CENPO: variants seen among roughly 807,000 people sequenced by gnomAD.
The protein encoded by CENPO is centromeric protein O.
A neutral mutation model predicts 36.1 loss-of-function variants in CENPO; 30 were observed. That is an observed-to-expected ratio of 0.83 (90% CI 0.62 to 1.13). The LOEUF (loss-of-function observed/expected upper bound fraction) is 1.13. Among genes scored for constraint, CENPO ranks in the 50% most tolerant of loss-of-function variants. The pLI, the probability that CENPO is intolerant of heterozygous loss-of-function variation, is 0.00. For synonymous variants in CENPO, 171 were observed against 142.3 expected, an observed-to-expected ratio of 1.20 and a Z score of -1.44; for missense variants, 349 against 357.8, an observed-to-expected ratio of 0.98 and a Z score of 0.20.
At chr2:24,801,321 C>T (rs1354184737) in intron 3 of CENPO, among the ~76,000 whole-genome samples, 1 of 152,118 alleles carries the variant, frequency 6.6e-6, no homozygotes, top group Non-Finnish European at 1.5e-5. Flanking sequence ...TGCAGAAGCT[C>T]TTTAGTTTAA....
chr2:24,821,171 T>C lies in CENPO; in HGVS notation c.*1853T>C. 2 of 437,980 alleles carry C rather than the reference T, an allele frequency of 4.6e-6. No homozygotes were observed. Among genetic ancestry groups the C allele is most frequent in the South Asian group, 5.9e-5 (2 of 34,170 alleles). 27.1% of individuals were successfully genotyped at this position (437,980 alleles called of 1,614,324 possible). A position where few individuals can be genotyped will look rare whatever the true frequency, so the allele number is the denominator to read the frequency against. On this transcript the variant is annotated 3_prime_UTR_variant, in exon 8 of 8. Transcript: ENST00000380834. ...CCCTCAGTAGAAGCAGCAGGTGATC[T>C]TAACTCCTTTCAAAGAGCAGGCCTG...
chr2:24,815,505 G>A lies in CENPO; in HGVS notation c.343G>A (p.Gly115Ser), dbSNP rs780948304. The A allele has an allele frequency of 1.2e-6, 2 of 1,613,734 alleles. No individual in the cohort carries two copies. The highest frequency in any genetic ancestry group is 1.7e-6 in the Non-Finnish European group (2 of 1,179,718). ...CTTCTTGTTTGCCTCAGGCCTCAGT[G>A]GTAAACTGACCAGCCGAGGAGTTTG... is the stretch of plus-strand genomic sequence containing the variant. ...LQAYHFTGLS[G>S]KLTSRGVCVC... The change falls in exon 5 of 8, where the codon GGT (glycine) becomes AGT (serine). Residue 115 changes from glycine to serine, a missense_variant. Physicochemically the swap from Gly to Ser is moderately conservative, Grantham distance 56. Transcript: ENST00000380834.
chr2:24,803,134 C>T (rs1203378911), intron 3 of CENPO, among the ~76,000 whole-genome samples: 1 of 151,472 alleles, frequency 6.6e-6, no homozygotes, highest in Non-Finnish European at 1.5e-5. Flanking sequence ...TTATAGTATT[C>T]TCTGATGGTA....
chr2:24,816,520 C>T, intron 5 of CENPO, 126 bp from the exon 6 acceptor site: 6 of 669,084 alleles, frequency 9.0e-6, no homozygotes, highest in South Asian at 5.0e-5. Context: ...TTTTTCTGTC[C>T]CTCATTTATT....
At chr2:24,803,727 C>A (rs1666256414) in intron 3 of CENPO, among the ~76,000 whole-genome samples, 1 of 152,136 alleles carries the variant, frequency 6.6e-6, no homozygotes, top group South Asian at 2.1e-4. Flanking sequence ...TTTACATTTG[C>A]TGAGGAGTGT....
At chr2:24,793,542 G>T in intron 1 of CENPO, 41 bp downstream of exon 1, 1 of 1,532,048 alleles carries the variant, frequency 6.5e-7, no homozygotes, top group Non-Finnish European at 8.8e-7. Context: ...ACCCATTGTC[G>T]GACCGGACCG....
At chr2:24,811,727 C>T (rs1248585110) in intron 3 of CENPO, among the ~76,000 whole-genome samples, 4 of 152,150 alleles carry the variant, frequency 2.6e-5, no homozygotes, top group Admixed American at 1.3e-4. Flanking sequence ...TCCTAAAATG[C>T]TGGGATTACA....
rs921055879 is a variant in CENPO at position 24,821,908 on chromosome 2, G to A, written c.*2590G>A. The A allele has an allele frequency of 2.4e-6, 1 of 417,676 alleles. No individual in the cohort carries two copies. The highest frequency in any genetic ancestry group is 4.7e-5 in the East Asian group (1 of 21,442). 25.9% of individuals were successfully genotyped at this position (417,676 alleles called of 1,614,324 possible). ...CCACGAGGCGGACCCCTTCACCTTG[G>A]CTGGGCCTGGTCCTGGTCCTTAGGT... On this transcript the variant is annotated 3_prime_UTR_variant, in exon 8 of 8. Coordinates refer to ENST00000380834, the MANE Select transcript of CENPO (RefSeq NM_001322101.2).
At chr2:24,808,605 T>G (rs1572734945) in intron 3 of CENPO, among the ~76,000 whole-genome samples, 3 of 152,242 alleles carry the variant, frequency 2.0e-5, no homozygotes, top group Non-Finnish European at 4.4e-5. Context: ...CTGCATATAT[T>G]AAGGGAATCA....
chr2:24,812,326 C>CT (rs1345871219), intron 3 of CENPO, among the ~76,000 whole-genome samples: 2 of 151,626 alleles, frequency 1.3e-5, no homozygotes, highest in Non-Finnish European at 2.9e-5. Flanking sequence ...TATAATATGT[C>CT]TTTTTCTTCG....
chr2:24,802,716 T>C (rs1277547150), intron 3 of CENPO, among the ~76,000 whole-genome samples: 1 of 152,238 alleles, frequency 6.6e-6, no homozygotes, highest in Non-Finnish European at 1.5e-5. Flanking sequence ...GATGTGCTGC[T>C]GGATTTGGGT....
rs746212004 is a variant in CENPO, at chr2:24,816,654, T to G, written c.603T>G (p.Phe201Leu). 1 of 1,606,948 alleles carries G rather than the reference T, an allele frequency of 6.2e-7. No homozygotes were observed. The highest frequency in any genetic ancestry group is 8.5e-7 in the Non-Finnish European group (1 of 1,176,866). The change falls in exon 6 of 8, where the codon TTT becomes TTG. Residue 201 changes from phenylalanine to leucine, a missense_variant. Transcript: ENST00000380834. Reference protein sequence around the residue: ...KYQADRLQSDFAALLTGPLQR... With the variant: ...KYQADRLQSDLAALLTGPLQR... ...TTCCTCACCCCTCTTAGAGTGACTT[T>G]GCAGCCCTCCTGACTGGGCCCTTGC...
chr2:24,821,049 C>CA lies in CENPO; in HGVS notation c.*1731_*1732insA. Reference sequence around the variant, plus strand: ...GTGCTTGTTAGGTGTCAGCCGCCACCCCCCCCCCATATGCAGATTTACTCG... The same window carrying CA: ...GTGCTTGTTAGGTGTCAGCCGCCACCACCCCCCCCATATGCAGATTTACTCG... On this transcript the variant is annotated 3_prime_UTR_variant, in exon 8 of 8. Transcript: ENST00000380834. 1.6e-6 allele frequency: 1 copy of CA among 606,900 alleles called. No homozygotes were observed. The allele number at this position is 606,900 out of a possible 1,614,324, so 37.6% of individuals were successfully genotyped here.
rs190019240 is a variant in CENPO, at chr2:24,811,338, G to A, written c.217-3038G>A. On this transcript the variant is annotated intron_variant, in intron 3 of 7. Transcript: ENST00000380834. ...GCTCTGTCACCCAGGCTGGAGTGCA[G>A]TGGCACTATCTCAGCTCACTGCAAC... 3.9e-3 allele frequency among the ~76,000 whole-genome samples: 572 copies of A among 144,918 alleles called. 4 individuals are homozygous for A. Among genetic ancestry groups the A allele is most frequent in the African/African-American group, 0.013 (530 of 39,398 alleles).
At chr2:24,814,218 T>TC in intron 3 of CENPO, among the ~76,000 whole-genome samples, 158 bp from the exon 4 acceptor site, 1 of 152,366 alleles carries the variant, frequency 6.6e-6, no homozygotes, top group Admixed American at 6.5e-5. Context: ...AGATTCTTCC[T>TC]CTGCAGTGAA....
chr2:24,796,367 C>G (rs1484090443), intron 2 of CENPO, among the ~76,000 whole-genome samples: 1 of 152,096 alleles, frequency 6.6e-6, no homozygotes, highest in Admixed American at 6.6e-5. Context: ...AAAAAATAAC[C>G]ATTTCCGGAG....
intron 3 of CENPO, 106 bp from the exon 4 acceptor site, chr2:24,814,270 G>A: frequency 1.4e-6 from 1 of 718,534 alleles, no homozygotes; most frequent in East Asian, 2.5e-5. Context: ...ATTTCTTGAT[G>A]TATTATATCA....
At position 24,793,509 on chromosome 2, in the gene CENPO, A is replaced by G. The variant is rs755535582; in HGVS notation, c.-69+8A>G. 3 of 1,588,122 alleles carry G rather than the reference A, an allele frequency of 1.9e-6. No individual in the cohort carries two copies. Among genetic ancestry groups the G allele is most frequent in the South Asian group, 1.1e-5 (1 of 87,462 alleles). On this transcript the variant is annotated splice_region_variant and intron_variant, in intron 1 of 7. Coordinates refer to ENST00000380834, the MANE Select transcript of CENPO (RefSeq NM_001322101.2). ...TTCTCGCTTCTGGCCTGGGTGAGCT[A>G]GAAGGGAGAAGGTAGGGGAAAGACC...
At chr2:24,805,913 C>T (rs1666379395) in intron 3 of CENPO, among the ~76,000 whole-genome samples, 1 of 152,194 alleles carries the variant, frequency 6.6e-6, no homozygotes, top group Admixed American at 6.5e-5. Context: ...CTATGCCCTG[C>T]CCCCAGAGGT....
Sources: allele counts gnomAD v4.1 joint callset (sites outside exome capture counted in the v4.1 genomes callset), GRCh38; gene constraint gnomAD v4.1.1; transcripts MANE v1.5; gene names NCBI Gene and HGNC (gene_info 2026-07-23, HGNC 2026-07-21).